ROBO1: variants seen among roughly 807,000 people sequenced by gnomAD.
The protein encoded by ROBO1 is roundabout guidance receptor 1.
Under a neutral mutation model 195.9 loss-of-function variants are expected in ROBO1, and 149 were observed. That is an observed-to-expected ratio of 0.76 (90% CI 0.67 to 0.87). The LOEUF (loss-of-function observed/expected upper bound fraction) is 0.87. Among genes scored for constraint, ROBO1 ranks in the 40% least tolerant of loss-of-function variants. ROBO1 has a pLI of 0.00. For missense variants in ROBO1, 1,933 were observed against 2,068.3 expected (o/e 0.93, Z 1.27); for synonymous variants, 816 against 733.2 (o/e 1.11, Z -1.82).
At chr3:78,940,001 T>C (rs2040046822) in intron 3 of ROBO1, among the ~76,000 whole-genome samples, 1 of 152,186 alleles carries the variant, frequency 6.6e-6, no homozygotes, top group Non-Finnish European at 1.5e-5. Context: ...ACAGGAATGA[T>C]GTTTCATATT....
chr3:78,635,693 C>T lies in ROBO1; in HGVS notation c.3373+80G>A, dbSNP rs1705450635. On this transcript the variant is annotated intron_variant, in intron 23 of 30. Transcript: ENST00000464233. ...AGAAGAAAAGATTTTACTTGCTAGT[C>T]GCAGACAAGTTTCAACATCTAGTCG... 1.4e-5 allele frequency: 17 copies of T among 1,233,838 alleles called. No individual in the cohort carries two copies. In the East Asian group the frequency reaches 1.4e-4, roughly 10 times the overall value. The allele number at this position is 1,233,838 out of a possible 1,614,324, so 76.4% of individuals were successfully genotyped here.
chr3:79,289,907 A>AGAAATGC (rs1339499832), intron 2 of ROBO1, among the ~76,000 whole-genome samples: 3 of 152,104 alleles, frequency 2.0e-5, no homozygotes, highest in East Asian at 3.9e-4. Flanking sequence ...CATCAACAGG[A>AGAAATGC]AGAGATGCAG....
At chr3:79,097,383 T>A (rs948791922) in intron 3 of ROBO1, among the ~76,000 whole-genome samples, 1 of 151,830 alleles carries the variant, frequency 6.6e-6, no homozygotes, top group Admixed American at 6.6e-5. Flanking sequence ...AGAATTAGAA[T>A]GCTGGGTTTT....
intron 5 of ROBO1, among the ~76,000 whole-genome samples, chr3:78,744,384 T>C (rs2082605349): frequency 6.6e-6 from 1 of 152,208 alleles, no homozygotes; most frequent in Non-Finnish European, 1.5e-5. Context: ...TGGTTCTCCC[T>C]GCCTCTACCA....
intron 5 of ROBO1, among the ~76,000 whole-genome samples, chr3:78,729,072 T>C (rs1011750204): frequency 6.6e-6 from 1 of 152,222 alleles, no homozygotes; most frequent in Non-Finnish European, 1.5e-5. Context: ...AACACAGGCC[T>C]GGGAGAGTCC....
chr3:79,596,774 T>G (rs1944184000), intron 1 of ROBO1, among the ~76,000 whole-genome samples: 1 of 152,020 alleles, frequency 6.6e-6, no homozygotes, highest in Non-Finnish European at 1.5e-5. Context: ...TTAGAAGGTA[T>G]TGAATGCAAG....
At chr3:79,158,297 T>C (rs2080893724) in intron 2 of ROBO1, among the ~76,000 whole-genome samples, 1 of 151,116 alleles carries the variant, frequency 6.6e-6, no homozygotes, top group South Asian at 2.1e-4. Context: ...TTCATTTATA[T>C]ATTAATGATA....
chr3:79,214,736 A>ATATATATATAGCATG (rs940165393), intron 2 of ROBO1, among the ~76,000 whole-genome samples: 1 of 148,838 alleles, frequency 6.7e-6, no homozygotes, highest in Non-Finnish European at 1.5e-5. Context: ...TATTTGCTAT[A>ATATATATATAGCATG]TATATATATA....
At chr3:78,653,921 C>T (rs1199095692) in intron 18 of ROBO1, among the ~76,000 whole-genome samples, 2 of 152,196 alleles carry the variant, frequency 1.3e-5, no homozygotes, top group Non-Finnish European at 2.9e-5. Flanking sequence ...TCCAAAGCCC[C>T]GTCAGGGCAG....
chr3:79,435,162 T>G (rs1034226552), intron 2 of ROBO1, among the ~76,000 whole-genome samples: 1 of 152,122 alleles, frequency 6.6e-6, no homozygotes, highest in Non-Finnish European at 1.5e-5. Context: ...TGTATACATA[T>G]GTAACAAACC....
chr3:79,659,315 T>C (rs1946260571), intron 1 of ROBO1, among the ~76,000 whole-genome samples: 1 of 152,130 alleles, frequency 6.6e-6, no homozygotes, highest in Non-Finnish European at 1.5e-5. Context: ...GATTTAGCCA[T>C]TTAACTCTTG....
In ROBO1 at chr3:78,696,693, T is replaced by A. The variant is rs529873134; in HGVS notation, c.1046-7921A>T. The stretch of plus-strand genomic sequence containing the variant: ...ATATATATACATGTATACATACATA[T>A]ATATATACACATATATATACACGTA... On this transcript the variant is annotated intron_variant, in intron 8 of 30. Coordinates refer to ENST00000464233, the MANE Select transcript of ROBO1 (RefSeq NM_002941.4). Among the ~76,000 whole-genome samples the A allele has an allele frequency of 6.1e-5, 9 of 148,020 alleles. No homozygotes were observed. The South Asian group carries it at 1.7e-3, about 28-fold the overall frequency.
chr3:79,369,981 G>C (rs2036130610), intron 2 of ROBO1, among the ~76,000 whole-genome samples: 1 of 152,112 alleles, frequency 6.6e-6, no homozygotes, highest in African/African-American at 2.4e-5. Context: ...TTAATATTTT[G>C]AACACATAGA....
At chr3:79,195,867 A>T (rs2081623752) in intron 2 of ROBO1, among the ~76,000 whole-genome samples, 5 of 151,496 alleles carry the variant, frequency 3.3e-5, no homozygotes. Flanking sequence ...TTATTAATGC[A>T]TATCTTTTCT....
chr3:79,663,766 G>A (rs1213796494), intron 1 of ROBO1, among the ~76,000 whole-genome samples: 1 of 151,980 alleles, frequency 6.6e-6, no homozygotes, highest in Non-Finnish European at 1.5e-5. Context: ...TGACATTGCC[G>A]ACTGTTCAGT....
At chr3:79,255,264 G>A (rs1417050366) in intron 2 of ROBO1, among the ~76,000 whole-genome samples, 1 of 152,138 alleles carries the variant, frequency 6.6e-6, no homozygotes, top group Non-Finnish European at 1.5e-5. Flanking sequence ...GCTGAGGCTG[G>A]AGGATGGCTT....
intron 4 of ROBO1, among the ~76,000 whole-genome samples, chr3:78,866,074 G>T (rs958727444): frequency 6.6e-6 from 1 of 152,022 alleles, no homozygotes; most frequent in African/African-American, 2.4e-5. Context: ...TGTTCATCAA[G>T]CAAACTCAAA....
At position 79,216,669 on chromosome 3, in the gene ROBO1, AT is replaced by A. The variant is rs536041032; in HGVS notation, c.89-91131del. Among the ~76,000 whole-genome samples, 296 of 152,092 alleles carry A rather than the reference AT, an allele frequency of 1.9e-3. 1 individual carries two copies. The highest frequency in any genetic ancestry group is 6.8e-3 in the African/African-American group (283 of 41,530). ...ATTTATTGTATTACATGATTTAGCT[AT>A]TTTTTTGAAGTCTCTCTAAAGTTCC... On this transcript the variant is annotated intron_variant, in intron 2 of 30. Coordinates refer to ENST00000464233, the MANE Select transcript of ROBO1 (RefSeq NM_002941.4).
At position 79,149,305 on chromosome 3, in the gene ROBO1, G is replaced by T. The variant is rs568853999; in HGVS notation, c.89-23766C>A. Among the ~76,000 whole-genome samples the T allele has an allele frequency of 3.9e-5, 6 of 151,904 alleles. No homozygotes were observed. The East Asian group carries it at 9.7e-4, about 25-fold the overall frequency. ...AGGCTCAAAGAGCATTTTTAAATTT[G>T]ATATTTGCATAATAGCCTTTTTGAT... On this transcript the variant is annotated intron_variant, in intron 2 of 30. Transcript: ENST00000464233.
Sources: allele counts gnomAD v4.1 joint callset (sites outside exome capture counted in the v4.1 genomes callset), GRCh38; gene constraint gnomAD v4.1.1; transcripts MANE v1.5; gene names NCBI Gene and HGNC (gene_info 2026-07-23, HGNC 2026-07-21).